NEK4: variants seen among roughly 807,000 people sequenced by gnomAD.
NEK4 encodes the protein NIMA related kinase 4, also known as serine/threonine-protein kinase Nek4.
In NEK4, 86 loss-of-function variants were observed where a neutral mutation model predicts 98.4. The ratio of observed to expected loss-of-function variants is 0.87; its 90% CI spans 0.73 to 1.05. The LOEUF (loss-of-function observed/expected upper bound fraction) is 1.05. Among genes scored for constraint, NEK4 ranks in the 50% least tolerant of loss-of-function variants. The pLI, the probability that NEK4 is intolerant of heterozygous loss-of-function variation, is 0.00. For missense variants in NEK4, 898 were observed against 950.3 expected, an observed-to-expected ratio of 0.94 and a Z score of 0.72; for synonymous variants, 328 against 342.2, an observed-to-expected ratio of 0.96 and a Z score of 0.46.
In NEK4 at chr3:52,728,719, G is replaced by A. The variant is rs142015166; in HGVS notation, c.2433+8867C>T. 3.9e-3 allele frequency among the ~76,000 whole-genome samples: 587 copies of A among 152,274 alleles called. 7 individuals are homozygous for A. The highest frequency in any genetic ancestry group is 0.013 in the African/African-American group (536 of 41,556). On this transcript the variant is annotated intron_variant, in intron 15 of 15. Transcript: ENST00000233027. ...AGCCATATTTTTCTTCTTGCAGAGA[G>A]CCTATAAACAGACATGCAAGTAGGG...
intron 15 of NEK4, among the ~76,000 whole-genome samples, chr3:52,728,850 T>C (rs2154102649): frequency 6.6e-6 from 1 of 152,282 alleles, no homozygotes; most frequent in Non-Finnish European, 1.5e-5. Flanking sequence ...TCTGGGAGTG[T>C]CTGTCTTATG....
intron 15 of NEK4, among the ~76,000 whole-genome samples, chr3:52,725,148 G>T (rs1428306107): frequency 6.6e-6 from 1 of 152,218 alleles, no homozygotes; most frequent in East Asian, 1.9e-4. Flanking sequence ...GCAATTTCAC[G>T]TTTTGTTTTC....
chr3:52,763,451 T>G lies in NEK4; in HGVS notation c.821+19A>C. ...ACCCCATCTATTTAGCCCAGCTATT[T>G]GCAAGGGAAGTATCTTACATCTTTG... On this transcript the variant is annotated intron_variant, in intron 5 of 15. Transcript: ENST00000233027. The G allele has an allele frequency of 6.2e-7, 1 of 1,603,594 alleles. No individual in the cohort carries two copies. The highest frequency in any genetic ancestry group is 8.5e-7 in the Non-Finnish European group (1 of 1,173,856).
chr3:52,736,596 A>G (rs1293787199), intron 15 of NEK4, among the ~76,000 whole-genome samples: 1 of 152,136 alleles, frequency 6.6e-6, no homozygotes, highest in Non-Finnish European at 1.5e-5. Flanking sequence ...ATAAAAAAAA[A>G]AAAAAAAAGA....
At chr3:52,721,010 G>T (rs1053546803) in intron 15 of NEK4, among the ~76,000 whole-genome samples, 1 of 152,182 alleles carries the variant, frequency 6.6e-6, no homozygotes, top group Non-Finnish European at 1.5e-5. Flanking sequence ...TGTACTGACA[G>T]AATCTCTTTT....
intron 15 of NEK4, among the ~76,000 whole-genome samples, chr3:52,732,344 C>G (rs1578638562): frequency 6.6e-6 from 1 of 152,172 alleles, no homozygotes; most frequent in South Asian, 2.1e-4. Flanking sequence ...CAGATGCCCG[C>G]CACTGCGCCC....
At chr3:52,725,993 CA>C (rs1414747757) in intron 15 of NEK4, among the ~76,000 whole-genome samples, 3 of 151,366 alleles carry the variant, frequency 2.0e-5, no homozygotes, top group African/African-American at 7.3e-5. Context: ...TCTAAAGACA[CA>C]AAAAAATTGC....
intron 10 of NEK4, 74 bp from the exon 11 acceptor site, chr3:52,744,379 C>T: frequency 1.8e-6 from 2 of 1,135,826 alleles, no homozygotes. Context: ...CATGATGTAT[C>T]ATTCAGCATT....
intron 7 of NEK4, among the ~76,000 whole-genome samples, chr3:52,750,156 A>C (rs372469332): frequency 6.6e-6 from 1 of 152,368 alleles, no homozygotes. Flanking sequence ...GCAAGTGTTC[A>C]TAGCCGCATT....
At chr3:52,731,645 A>T (rs752104440) in intron 15 of NEK4, among the ~76,000 whole-genome samples, 4 of 152,246 alleles carry the variant, frequency 2.6e-5, no homozygotes, top group African/African-American at 4.8e-5. Context: ...GAATTAACTC[A>T]AAATGTGTCC....
At chr3:52,733,781 T>C in intron 15 of NEK4, 2 of 432,102 alleles carry the variant, frequency 4.6e-6, no homozygotes, top group South Asian at 3.4e-5. Context: ...GTGTAATTCA[T>C]GTGGCAAGGT....
chr3:52,719,292 T>C (rs115745575), intron 15 of NEK4, among the ~76,000 whole-genome samples: 2,972 of 152,104 alleles, frequency 0.02, 51 homozygotes, highest in Non-Finnish European at 0.03. Flanking sequence ...AACTAAACTA[T>C]AGGGTGGGCT....
intron 6 of NEK4, among the ~76,000 whole-genome samples, chr3:52,759,999 A>C (rs1487371655): frequency 6.6e-6 from 1 of 152,208 alleles, no homozygotes; most frequent in East Asian, 1.9e-4. Flanking sequence ...ATTTACATGA[A>C]ATATCCAGGA....
rs144937048 is a variant in NEK4 at position 52,768,520 on chromosome 3, A to T, written c.178T>A (p.Leu60Met). The change falls in exon 2 of 16, where the codon TTG (leucine) becomes ATG (methionine). Residue 60 changes from leucine (L) to methionine (M), a missense_variant. By Grantham distance (15) the Leu-to-Met change is conservative. Coordinates refer to ENST00000233027, the MANE Select transcript of NEK4 (RefSeq NM_003157.6). ...TAGGTGACAATGTTGGGATGCTTCAACTGAGACAAGAGCTGGGCTTCCTGT... is the reference window on the plus strand; with the variant it reads ...TAGGTGACAATGTTGGGATGCTTCATCTGAGACAAGAGCTGGGCTTCCTGT... ...AEQEAQLLSQ[L>M]KHPNIVTYKE... is the part of the protein sequence containing the mutation. 1 of 1,614,236 alleles carries T rather than the reference A, an allele frequency of 6.2e-7. No homozygotes were observed. Among genetic ancestry groups the T allele is most frequent in the East Asian group, 2.2e-5 (1 of 44,892 alleles).
intron 6 of NEK4, 131 bp downstream of exon 6, chr3:52,760,664 T>A (rs992574567): frequency 6.9e-6 from 5 of 729,750 alleles, no homozygotes; most frequent in Non-Finnish European, 1.2e-5. Flanking sequence ...ATTCTTTCTT[T>A]ACAGTAAGGA....
chr3:52,745,051 G>A (rs2097393687), intron 10 of NEK4, among the ~76,000 whole-genome samples: 1 of 151,748 alleles, frequency 6.6e-6, no homozygotes, highest in Non-Finnish European at 1.5e-5. Flanking sequence ...GAATAGCTGG[G>A]ACTACAGGCG....
At chr3:52,720,249 C>T (rs901064367) in intron 15 of NEK4, among the ~76,000 whole-genome samples, 2 of 152,018 alleles carry the variant, frequency 1.3e-5, no homozygotes, top group South Asian at 2.1e-4. Context: ...ATGCCAAGAA[C>T]CCAGGAGATG....
chr3:52,752,919 T>A (rs11708623), intron 6 of NEK4, among the ~76,000 whole-genome samples: 3,363 of 61,874 alleles, frequency 0.054, 200 homozygotes, highest in African/African-American at 0.096. Context: ...AAAAAAAAAA[T>A]ATATATATAT....
chr3:52,743,084 C>T (rs1373794735), intron 12 of NEK4: 1 of 315,982 alleles, frequency 3.2e-6, no homozygotes, highest in African/African-American at 2.1e-5. Flanking sequence ...TGCATCAGGC[C>T]AGGAAGTCCT....
Sources: allele counts gnomAD v4.1 joint callset (sites outside exome capture counted in the v4.1 genomes callset), GRCh38; gene constraint gnomAD v4.1.1; transcripts MANE v1.5; gene names NCBI Gene and HGNC (gene_info 2026-07-23, HGNC 2026-07-21).